Variants in BCL2L13 observed in about 807,000 individuals in gnomAD.
BCL2L13 encodes the protein bcl-2-like protein 13.
BCL2L13 carries 13 observed loss-of-function variants against 25.8 expected under a neutral mutation model. The ratio of observed to expected loss-of-function variants is 0.50; its 90% CI spans 0.33 to 0.80. The LOEUF (loss-of-function observed/expected upper bound fraction) is 0.80. Among genes scored for constraint, BCL2L13 ranks in the 30% least tolerant of loss-of-function variants. The pLI is 0.02. For synonymous variants in BCL2L13, 244 were observed against 230.3 expected, an observed-to-expected ratio of 1.06 and a Z score of -0.54; for missense variants, 504 against 574.9, an observed-to-expected ratio of 0.88 and a Z score of 1.26.
At chr22:17,714,459 A>C (rs910877998) in intron 6 of BCL2L13, among the ~76,000 whole-genome samples, 1 of 152,198 alleles carries the variant, frequency 6.6e-6, no homozygotes, top group African/African-American at 2.4e-5. Context: ...CTCAAAAAAA[A>C]AAATGGTAGT....
intron 4 of BCL2L13, among the ~76,000 whole-genome samples, chr22:17,691,757 T>G (rs531475443): frequency 6.6e-6 from 1 of 152,342 alleles, no homozygotes; most frequent in African/African-American, 2.4e-5. Flanking sequence ...AACTTTATGG[T>G]GTAGTATAAG....
rs1166381895 is a variant in BCL2L13 at position 17,730,503 on chromosome 22, A to G, written c.*2969A>G. 1 of 152,176 alleles carries G rather than the reference A, an allele frequency of 6.6e-6. No homozygotes were observed. Among genetic ancestry groups the G allele is most frequent in the Admixed American group, 6.6e-5 (1 of 15,266 alleles). The allele number at this position is 152,176 out of a possible 1,614,324, so 9.4% of individuals were successfully genotyped here. A position where few individuals can be genotyped will look rare whatever the true frequency, so the allele number is the denominator to read the frequency against. ...GCTTTGCGCTGATTCCCTCAATAATATGACAGTAAGGCAAGTAGTCTCCTT... is the reference window on the plus strand; with the variant it reads ...GCTTTGCGCTGATTCCCTCAATAATGTGACAGTAAGGCAAGTAGTCTCCTT... On this transcript the variant is annotated 3_prime_UTR_variant, in exon 7 of 7. Coordinates refer to ENST00000317582, the MANE Select transcript of BCL2L13 (RefSeq NM_015367.4).
In BCL2L13 at chr22:17,694,382, T is replaced by C. The variant is rs77883019; in HGVS notation, c.387-1759T>C. On this transcript the variant is annotated intron_variant, in intron 4 of 6. Coordinates refer to ENST00000317582, the MANE Select transcript of BCL2L13 (RefSeq NM_015367.4). ...GTATCATAACACTCCAAGTTAAAAATAGGACTCCAGCTAGGGGTGGTGGGA... is the reference window on the plus strand; with the variant it reads ...GTATCATAACACTCCAAGTTAAAAACAGGACTCCAGCTAGGGGTGGTGGGA... 5.3e-3 allele frequency among the ~76,000 whole-genome samples: 799 copies of C among 152,064 alleles called. 9 individuals are homozygous for C. The highest frequency in any genetic ancestry group is 0.018 in the African/African-American group (767 of 41,478).
chr22:17,649,871 C>CTTTTTTTTTTTTTTTTT (rs71201855), intron 1 of BCL2L13, among the ~76,000 whole-genome samples: 6 of 94,390 alleles, frequency 6.4e-5, no homozygotes, highest in Non-Finnish European at 1.3e-4. Flanking sequence ...TTTTTCTTTT[C>CTTTTTTTTTTTTTTTTT]TTTTTTTTTT....
intron 2 of BCL2L13, 43 bp downstream of exon 2, chr22:17,655,875 G>A (rs935812572): frequency 6.5e-7 from 1 of 1,547,468 alleles, no homozygotes; most frequent in Non-Finnish European, 8.8e-7. Context: ...ATTGTAATAA[G>A]GACTTTATAT....
chr22:17,687,027 T>C (rs953802969), intron 3 of BCL2L13, among the ~76,000 whole-genome samples: 1 of 152,100 alleles, frequency 6.6e-6, no homozygotes, highest in Admixed American at 6.6e-5. Flanking sequence ...AAAGTATTTG[T>C]GAACTTTGCA....
intron 6 of BCL2L13, among the ~76,000 whole-genome samples, chr22:17,724,709 T>G (rs2061246606): frequency 6.6e-6 from 1 of 152,266 alleles, no homozygotes; most frequent in Non-Finnish European, 1.5e-5. Context: ...GCAACCATAA[T>G]CATAAAATGA....
At chr22:17,697,776 T>A (rs2060307819) in intron 5 of BCL2L13, among the ~76,000 whole-genome samples, 1 of 152,176 alleles carries the variant, frequency 6.6e-6, no homozygotes, top group Non-Finnish European at 1.5e-5. Flanking sequence ...TTTGTTTTTT[T>A]GGAATAAGAG....
chr22:17,637,656 G>C (rs2058135233), upstream of BCL2L13, among the ~76,000 whole-genome samples: 3 of 151,966 alleles, frequency 2.0e-5, no homozygotes, highest in Admixed American at 1.3e-4. Context: ...GGGATTACAG[G>C]AGTGATCCAC....
At chr22:17,667,337 A>G (rs1024765892) in intron 2 of BCL2L13, among the ~76,000 whole-genome samples, 5 of 151,844 alleles carry the variant, frequency 3.3e-5, no homozygotes, top group Non-Finnish European at 7.4e-5. Context: ...ACGCCTGGCT[A>G]ATTTTTGTAT....
Position 17,689,132 on chromosome 22 carries a change from C to G in BCL2L13, c.376C>G (p.Leu126Val). 6.2e-7 allele frequency: 1 copy of G among 1,613,928 alleles called. No homozygotes were observed. The highest frequency in any genetic ancestry group is 8.5e-7 in the Non-Finnish European group (1 of 1,179,922). The change falls in exon 4 of 7, where the codon CTC (leucine) becomes GTC (valine). Residue 126 changes from leucine to valine, a missense_variant. By Grantham distance (32) the Leu-to-Val change is conservative. Transcript: ENST00000317582. ...GCCTCTCCATAAAGCATTGCAAATG[C>G]TCCTGAGCCAGTGAGTTACACTGCT... ...KEPLHKALQM[L>V]LSQPVTYQAF...
intron 2 of BCL2L13, among the ~76,000 whole-genome samples, chr22:17,657,383 T>G (rs2058909452): frequency 6.6e-6 from 1 of 152,254 alleles, no homozygotes; most frequent in South Asian, 2.1e-4. Context: ...AACTCTACTT[T>G]GTGCTACAAT....
intron 4 of BCL2L13, among the ~76,000 whole-genome samples, chr22:17,690,268 G>A (rs1047912223): frequency 6.6e-6 from 1 of 152,130 alleles, no homozygotes; most frequent in Non-Finnish European, 1.5e-5. Flanking sequence ...GGAGGTTGCA[G>A]TGAGCTGAGA....
At position 17,690,256 on chromosome 22, in the gene BCL2L13, G is replaced by T. The variant is rs536425011; in HGVS notation, c.386+1114G>T. ...CAGGAGTATCGCTTGAACCCAGGAGGCGGAGGTTGCAGTGAGCTGAGATCA... is the reference window on the plus strand; with the variant it reads ...CAGGAGTATCGCTTGAACCCAGGAGTCGGAGGTTGCAGTGAGCTGAGATCA... On this transcript the variant is annotated intron_variant, in intron 4 of 6. Transcript: ENST00000317582. Among the ~76,000 whole-genome samples, 390 of 152,096 alleles carry T rather than the reference G, an allele frequency of 2.6e-3. 1 individual carries two copies. The highest frequency in any genetic ancestry group is 3.9e-3 in the Non-Finnish European group (264 of 67,986).
At chr22:17,725,797 A>G (rs905541217) in intron 6 of BCL2L13, among the ~76,000 whole-genome samples, 1 of 151,032 alleles carries the variant, frequency 6.6e-6, no homozygotes, top group South Asian at 2.1e-4. Flanking sequence ...GTTTGTGTGT[A>G]TGTGATGAGA....
At chr22:17,701,701 A>T (rs2060439973) in intron 5 of BCL2L13, among the ~76,000 whole-genome samples, 1 of 152,154 alleles carries the variant, frequency 6.6e-6, no homozygotes. Flanking sequence ...TGAGGTGGGC[A>T]GATCACTTGA....
intron 1 of BCL2L13, among the ~76,000 whole-genome samples, chr22:17,650,439 A>T (rs952865016): frequency 7.2e-5 from 11 of 152,078 alleles, no homozygotes; most frequent in African/African-American, 2.7e-4. Flanking sequence ...TCCTTTATTA[A>T]AAATAAGGTA....
At position 17,681,632 on chromosome 22, in the gene BCL2L13, TG is replaced by T. The variant is rs369652093; in HGVS notation, c.122-1581del. ...GTGGGAGGAGGGGCCATTATTTTAT[TG>T]ACATTCTCTTAAGAGCCTGAAATCT... On this transcript the variant is annotated intron_variant, in intron 2 of 6. Coordinates refer to ENST00000317582, the MANE Select transcript of BCL2L13 (RefSeq NM_015367.4). 2.7e-4 allele frequency among the ~76,000 whole-genome samples: 41 copies of T among 152,274 alleles called. No individual in the cohort carries two copies. In the South Asian group the frequency reaches 8.5e-3, roughly 32 times the overall value.
At chr22:17,631,506 G>A (rs2058012615) in intron 1 of BCL2L13, among the ~76,000 whole-genome samples, 1 of 151,296 alleles carries the variant, frequency 6.6e-6, no homozygotes, top group African/African-American at 2.4e-5. Flanking sequence ...GAAAGTACAT[G>A]ATGTCCGTTT....
Sources: allele counts gnomAD v4.1 joint callset (sites outside exome capture counted in the v4.1 genomes callset), GRCh38; gene constraint gnomAD v4.1.1; transcripts MANE v1.5; gene names NCBI Gene and HGNC (gene_info 2026-07-23, HGNC 2026-07-21).